Variants in FSCN2 observed in about 807,000 individuals in gnomAD.
FSCN2 encodes fascin actin-bundling protein 2, retinal.
A neutral mutation model predicts 37.8 loss-of-function variants in FSCN2; 46 were observed. That is an observed-to-expected ratio of 1.22 (90% CI 0.96 to 1.56). FSCN2 has a LOEUF of 1.56. Ranked by LOEUF, FSCN2 falls within the 40% of genes most tolerant of loss-of-function variation. FSCN2 has a pLI of 0.00. For synonymous variants in FSCN2, 351 were observed against 309.4 expected, an observed-to-expected ratio of 1.13 and a Z score of -1.41; for missense variants, 844 against 730.4, an observed-to-expected ratio of 1.16 and a Z score of -1.79.
chr17:81,535,441 C>A (rs2032825103), intron 2 of FSCN2, among the ~76,000 whole-genome samples: 1 of 127,594 alleles, frequency 7.8e-6, no homozygotes, highest in Non-Finnish European at 1.6e-5. Flanking sequence ...ACCATCCCCA[C>A]CATCCGCATC....
At chr17:81,536,050 C>T (rs868463930) in intron 2 of FSCN2, 96 bp from the exon 3 acceptor site, 4 of 1,471,302 alleles carry the variant, frequency 2.7e-6, no homozygotes, top group East Asian at 2.5e-5. Context: ...GGGCAGGCTT[C>T]TGTCCCACTC....
upstream of FSCN2, among the ~76,000 whole-genome samples, chr17:81,526,504 G>T (rs2032356439): frequency 6.6e-6 from 1 of 152,206 alleles, no homozygotes; most frequent in Non-Finnish European, 1.5e-5. Context: ...GGTAGCAAGT[G>T]CCTGTAATCC....
upstream of FSCN2, among the ~76,000 whole-genome samples, chr17:81,526,605 G>C (rs2032359285): frequency 6.6e-6 from 1 of 152,218 alleles, no homozygotes; most frequent in Non-Finnish European, 1.5e-5. Flanking sequence ...GTTTGGGTGA[G>C]GAGCGAGACC....
the FSCN2 span, among the ~76,000 whole-genome samples, chr17:81,516,885 T>C: frequency 6.8e-6 from 1 of 146,372 alleles, no homozygotes. Flanking sequence ...ACCAGGTCTC[T>C]GCATGTTTTG....
chr17:81,520,667 G>T, the FSCN2 span, among the ~76,000 whole-genome samples: 95 of 152,354 alleles, frequency 6.2e-4, 1 homozygote, highest in African/African-American at 2.3e-3. Flanking sequence ...CCTGTCTCTT[G>T]CTGGCACTGC....
At chr17:81,532,188 GTGA>G (rs1410025025) in intron 1 of FSCN2, among the ~76,000 whole-genome samples, 6 of 126,254 alleles carry the variant, frequency 4.8e-5, no homozygotes, top group Admixed American at 2.3e-4. Context: ...GATGGTGGTG[GTGA>G]TGGTGGTGGT....
chr17:81,536,798 C>CG lies in FSCN2; in HGVS notation c.1273+13dup. 5 of 1,315,150 alleles carry CG rather than the reference C, an allele frequency of 3.8e-6. No homozygotes were observed. The highest frequency in any genetic ancestry group is 5.3e-6 in the Non-Finnish European group (5 of 947,048). The allele number at this position is 1,315,150 out of a possible 1,614,324, so 81.5% of individuals were successfully genotyped here. ...CGCCTACCGGATCCGAGGTGCGTGG[C>CG]GGGGCGGGTGGGCACGCGGGAGCGG... On this transcript the variant is annotated intron_variant, in intron 4 of 4. Transcript: ENST00000417245.
chr17:81,532,334 GGTGATGATGATGATA>G (rs2032698629), intron 1 of FSCN2, among the ~76,000 whole-genome samples: 3 of 149,240 alleles, frequency 2.0e-5, no homozygotes, highest in Non-Finnish European at 4.5e-5. Flanking sequence ...TGATAGTGAT[GGTGATGATGATGATA>G]GTGATGGTGG....
intron 1 of FSCN2, chr17:81,529,652 A>C (rs1265208785): frequency 1.5e-6 from 1 of 647,310 alleles, no homozygotes; most frequent in Non-Finnish European, 2.9e-6. Flanking sequence ...GCAGCTGCGG[A>C]GTCTGAGACT....
intron 1 of FSCN2, among the ~76,000 whole-genome samples, chr17:81,532,715 G>A (rs535900844): frequency 2.1e-4 from 32 of 151,812 alleles, no homozygotes; most frequent in African/African-American, 7.8e-4. Flanking sequence ...TAGTGATGGT[G>A]GTGGTGATAG....
the FSCN2 span, among the ~76,000 whole-genome samples, chr17:81,518,526 CAAA>C: frequency 6.6e-6 from 1 of 152,108 alleles, no homozygotes; most frequent in Non-Finnish European, 1.5e-5. Context: ...CCTCCTATCT[CAAA>C]AACGTGGAAG....
chr17:81,530,598 C>T (rs782300803), intron 1 of FSCN2: 1 of 515,358 alleles, frequency 1.9e-6, no homozygotes, highest in Non-Finnish European at 3.9e-6. Flanking sequence ...AGACCAGCAT[C>T]AGCTGGGCAA....
chr17:81,518,724 C>G, the FSCN2 span, among the ~76,000 whole-genome samples: 3 of 152,186 alleles, frequency 2.0e-5, no homozygotes, highest in African/African-American at 7.2e-5. Context: ...CCCGTCCCGC[C>G]CCTCCTGCTC....
chr17:81,534,108 G>C (rs146637251), intron 1 of FSCN2, among the ~76,000 whole-genome samples: 1 of 152,222 alleles, frequency 6.6e-6, no homozygotes, highest in Admixed American at 6.5e-5. Context: ...GCTCCTCTGC[G>C]TCTGATCAGT....
Position 81,529,313 on chromosome 17 carries a change from T to G in FSCN2, c.782T>G (p.Val261Gly). 6.4e-7 allele frequency: 1 copy of G among 1,561,326 alleles called. No homozygotes were observed. Among genetic ancestry groups the G allele is most frequent in the South Asian group, 1.2e-5 (1 of 81,930 alleles). ...GATCTGGAGGAGAGTCACCCACAGG[T>G]GGTGCTGGTGGCTGCCAACCACCGC... Reference protein sequence around the residue: ...LFDLEESHPQVVLVAANHRYV... With the variant: ...LFDLEESHPQGVLVAANHRYV... The change falls in exon 1 of 5, where the codon GTG (valine) becomes GGG (glycine). Residue 261 changes from valine (V) to glycine (G), a missense_variant. Coordinates refer to ENST00000417245, the MANE Select transcript of FSCN2 (RefSeq NM_012418.4).
chr17:81,536,617 G>C lies in FSCN2; in HGVS notation c.1106-5G>C, dbSNP rs550861612. 1 of 1,608,252 alleles carries C rather than the reference G, an allele frequency of 6.2e-7. No homozygotes were observed. Among genetic ancestry groups the C allele is most frequent in the Non-Finnish European group, 8.5e-7 (1 of 1,179,616 alleles). ...GGGCAGCGCAGCAGACGCTCTCCCC[G>C]CCAGGCAAGGACGAAGAGTTCACCC... On this transcript the variant is annotated splice_polypyrimidine_tract_variant and splice_region_variant and intron_variant, in intron 3 of 4. Transcript: ENST00000417245.
chr17:81,536,823 G>A, intron 4 of FSCN2, 34 bp downstream of exon 4: 2 of 1,556,718 alleles, frequency 1.3e-6, no homozygotes, highest in South Asian at 2.3e-5. Context: ...CGCGGGAGCG[G>A]GGGTGGCAGC....
chr17:81,528,306 A>G, upstream of FSCN2: 1 of 571,540 alleles, frequency 1.7e-6, no homozygotes. Context: ...CACGTCTCTG[A>G]TCCGCCCTCC....
At chr17:81,535,930 C>T (rs1210167980) in intron 2 of FSCN2, among the ~76,000 whole-genome samples, 1 of 150,796 alleles carries the variant, frequency 6.6e-6, no homozygotes, top group Non-Finnish European at 1.5e-5. Flanking sequence ...TGCACCATCA[C>T]TCCCACCACC....
Sources: gnomAD v4.1 joint callset for allele counts (sites outside exome capture counted in the v4.1 genomes callset) on GRCh38, gnomAD v4.1.1 for gene constraint, MANE v1.5 for transcripts, NCBI Gene and HGNC (gene_info 2026-07-23, HGNC 2026-07-21) for gene names.